Variants in SLC7A1 observed in about 807,000 individuals in gnomAD.
The protein encoded by SLC7A1 is high affinity cationic amino acid transporter 1.
Under a neutral mutation model 53.9 loss-of-function variants are expected in SLC7A1, and 10 were observed. That is an observed-to-expected ratio of 0.19 (90% CI 0.11 to 0.31). SLC7A1 has a LOEUF of 0.31. Among genes scored for constraint, SLC7A1 ranks in the 10% least tolerant of loss-of-function variants. The probability of loss-of-function intolerance (pLI) is 1.00; values close to 1 mark genes in which losing one functional copy is unlikely to be tolerated. For synonymous variants in SLC7A1, 342 were observed against 338.7 expected, an observed-to-expected ratio of 1.01 and a Z score of -0.11; for missense variants, 525 against 827.2, an observed-to-expected ratio of 0.63 and a Z score of 4.48.
intron 1 of SLC7A1, among the ~76,000 whole-genome samples, chr13:29,575,696 T>C (rs1028737966): frequency 6.6e-6 from 1 of 152,094 alleles, no homozygotes; most frequent in Admixed American, 6.6e-5. Context: ...AAACCAAAGG[T>C]TTTTCATACC....
intron 5 of SLC7A1, among the ~76,000 whole-genome samples, chr13:29,527,270 G>A (rs1018960397): frequency 2.0e-5 from 3 of 152,198 alleles, no homozygotes; most frequent in Non-Finnish European, 4.4e-5. Context: ...GTGGGGGTGG[G>A]AGATGAGGTG....
intron 1 of SLC7A1, among the ~76,000 whole-genome samples, chr13:29,564,010 G>A (rs934368359): frequency 1.3e-5 from 2 of 152,154 alleles, no homozygotes; most frequent in Non-Finnish European, 2.9e-5. Flanking sequence ...AGAGCTGGAA[G>A]GACCACACAG....
At chr13:29,562,223 T>C (rs951255510) in intron 1 of SLC7A1, among the ~76,000 whole-genome samples, 1 of 152,210 alleles carries the variant, frequency 6.6e-6, no homozygotes, top group Non-Finnish European at 1.5e-5. Context: ...ACTCATAGAA[T>C]GGATTCGTCT....
intron 2 of SLC7A1, among the ~76,000 whole-genome samples, chr13:29,548,823 A>G (rs1355107556): frequency 6.6e-6 from 1 of 152,232 alleles, no homozygotes; most frequent in Non-Finnish European, 1.5e-5. Flanking sequence ...ACACACACGT[A>G]AAACACACAC....
At chr13:29,582,146 C>T (rs1871674537) in intron 1 of SLC7A1, among the ~76,000 whole-genome samples, 1 of 152,368 alleles carries the variant, frequency 6.6e-6, no homozygotes, top group Non-Finnish European at 1.5e-5. Flanking sequence ...GGGTGTACAA[C>T]ACAGACCTCT....
intron 1 of SLC7A1, among the ~76,000 whole-genome samples, chr13:29,577,747 G>A (rs1421901153): frequency 6.6e-6 from 1 of 152,198 alleles, no homozygotes; most frequent in Non-Finnish European, 1.5e-5. Context: ...GTCAACCTTA[G>A]TCGTCTCTGG....
chr13:29,555,998 C>T lies in SLC7A1; in HGVS notation c.-114-2138G>A, dbSNP rs147497757. 1.2e-4 allele frequency among the ~76,000 whole-genome samples: 18 copies of T among 152,246 alleles called. No homozygotes were observed. The East Asian group carries it at 3.5e-3, about 29-fold the overall frequency. ...AGCTTACCGAGATGGCTTCAGATTC[C>T]ACAGCGGAACCCACGATTGCCTGTG... On this transcript the variant is annotated intron_variant, in intron 1 of 12. Transcript: ENST00000380752.
intron 1 of SLC7A1, among the ~76,000 whole-genome samples, chr13:29,570,569 C>T (rs187245641): frequency 4.3e-4 from 66 of 152,224 alleles, no homozygotes; most frequent in Non-Finnish European, 3.7e-4. Flanking sequence ...ATGATGGGAC[C>T]GGGCACGGTG....
rs528326155 is a variant in SLC7A1, at chr13:29,540,012, T to C, written c.-14-3810A>G. ...GTAATGCAAAAACCTGTTCTCCAAG[T>C]GGTTTTATCTGTCAGCATTTTGTAC... is the stretch of plus-strand genomic sequence containing the variant. On this transcript the variant is annotated intron_variant, in intron 2 of 12. Coordinates refer to ENST00000380752, the MANE Select transcript of SLC7A1 (RefSeq NM_003045.5). Among the ~76,000 whole-genome samples, 162 of 152,312 alleles carry C rather than the reference T, an allele frequency of 1.1e-3. 4 individuals carry two copies. In the South Asian group the frequency reaches 0.022, roughly 21 times the overall value.
intron 2 of SLC7A1, among the ~76,000 whole-genome samples, chr13:29,549,564 C>T (rs1412682172): frequency 1.3e-5 from 2 of 152,240 alleles, no homozygotes; most frequent in Non-Finnish European, 2.9e-5. Context: ...TATTCCAAAC[C>T]GGGCATAATC....
At chr13:29,537,071 C>G (rs1457979764) in intron 2 of SLC7A1, among the ~76,000 whole-genome samples, 13 of 152,184 alleles carry the variant, frequency 8.5e-5, no homozygotes, top group Admixed American at 8.5e-4. Context: ...ACAGGTGAGC[C>G]CTTGGCAAGG....
intron 2 of SLC7A1, among the ~76,000 whole-genome samples, chr13:29,538,330 T>C (rs1340063717): frequency 1.3e-5 from 2 of 151,934 alleles, no homozygotes; most frequent in African/African-American, 4.8e-5. Context: ...GGAACAGTGA[T>C]GGAGTGGGAA....
intron 1 of SLC7A1, among the ~76,000 whole-genome samples, chr13:29,564,703 AACCATGG>A (rs1156744265): frequency 9.8e-5 from 15 of 152,366 alleles, no homozygotes; most frequent in Admixed American, 2.0e-4. Context: ...ATCCCTGCTC[AACCATGG>A]ACTAGCTGAA....
Position 29,592,922 on chromosome 13 carries a change from C to T in SLC7A1, c.-115+2494G>A, listed in dbSNP as rs949195995. On this transcript the variant is annotated intron_variant, in intron 1 of 12. Transcript: ENST00000380752. ...CCCACAGGACAAGTCCACCACCAGG[C>T]GGCCCACTAGAAGGCGGCAGGGGAG... Among the ~76,000 whole-genome samples, 8 of 152,132 alleles carry T rather than the reference C, an allele frequency of 5.3e-5. No individual in the cohort carries two copies. In the South Asian group the frequency reaches 6.2e-4, roughly 12 times the overall value.
At chr13:29,574,547 G>A (rs988709670) in intron 1 of SLC7A1, among the ~76,000 whole-genome samples, 2 of 151,820 alleles carry the variant, frequency 1.3e-5, no homozygotes, top group African/African-American at 4.8e-5. Context: ...TCTTCTCAAA[G>A]AGCCTGTTTT....
intron 2 of SLC7A1, among the ~76,000 whole-genome samples, chr13:29,551,070 G>A (rs368519525): frequency 6.6e-6 from 1 of 152,130 alleles, no homozygotes. Flanking sequence ...TTAAGTAGCT[G>A]TTATTTCATT....
rs555268500 is a variant in SLC7A1, at chr13:29,578,664, G to T, written c.-115+16752C>A. 3.3e-5 allele frequency among the ~76,000 whole-genome samples: 5 copies of T among 152,344 alleles called. No homozygotes were observed. The Middle Eastern group carries it at 0.01, about 311-fold the overall frequency. ...CCTGGAGAGGACACGGCAAGCTACT[G>T]GTTCAACCGGGCACCCCGGGTAGCT... On this transcript the variant is annotated intron_variant, in intron 1 of 12. Coordinates refer to ENST00000380752, the MANE Select transcript of SLC7A1 (RefSeq NM_003045.5).
intron 1 of SLC7A1, among the ~76,000 whole-genome samples, chr13:29,588,653 G>A (rs1003717568): frequency 2.6e-5 from 4 of 151,776 alleles, no homozygotes; most frequent in Non-Finnish European, 4.4e-5. Context: ...ATAGGCATGC[G>A]CCACCAACAC....
chr13:29,524,010 C>T, intron 6 of SLC7A1, 122 bp downstream of exon 6: 1 of 912,712 alleles, frequency 1.1e-6, no homozygotes, highest in Non-Finnish European at 1.7e-6. Context: ...TACAAATCTA[C>T]ATGTTGCTCA....
Sources: gnomAD v4.1 joint callset for allele counts (sites outside exome capture counted in the v4.1 genomes callset) on GRCh38, gnomAD v4.1.1 for gene constraint, MANE v1.5 for transcripts, NCBI Gene and HGNC (gene_info 2026-07-23, HGNC 2026-07-21) for gene names.